Variants in ELP3 observed in about 807,000 individuals in gnomAD.
ELP3 encodes the protein elongator complex protein 3.
ELP3 carries 56 observed loss-of-function variants against 74.9 expected under a neutral mutation model. The observed-to-expected ratio is 0.75, with a 90% CI of 0.60 to 0.93. ELP3 has a LOEUF of 0.93. ELP3 is among the 40% of genes least tolerant of loss of function. ELP3 has a pLI of 0.00. For synonymous variants in ELP3, 222 were observed against 239.8 expected (o/e 0.93, Z 0.68); for missense variants, 573 against 686.5 (o/e 0.83, Z 1.85).
chr8:28,171,962 G>T (rs556918156), intron 14 of ELP3, among the ~76,000 whole-genome samples: 1 of 152,018 alleles, frequency 6.6e-6, no homozygotes, highest in Admixed American at 6.5e-5. Context: ...GAAATCAGTC[G>T]AAAAGAAAAG....
At position 28,113,117 on chromosome 8, in the gene ELP3, A is replaced by G. The variant is rs1297514582; in HGVS notation, c.561A>G (p.Arg187=). 1 of 1,614,022 alleles carries G rather than the reference A, an allele frequency of 6.2e-7. No individual in the cohort carries two copies. ...LPEEYRDYFI[R]NLHDALSGHT... is the part of the protein sequence containing the mutation. ...AAGAATACAGAGATTATTTTATTCG[A>G]AATTTACATGATGCCTTATCAGGAC... is the stretch of plus-strand genomic sequence containing the variant. Residue 187 remains arginine (R), a synonymous_variant, in exon 7 of 15, where the codon CGA becomes CGG. Transcript: ENST00000256398.
chr8:28,101,145 C>T (rs148636376), intron 3 of ELP3, among the ~76,000 whole-genome samples: 21 of 152,070 alleles, frequency 1.4e-4, no homozygotes, highest in Middle Eastern at 3.4e-3. Flanking sequence ...TAGCCAGGCA[C>T]GGTGGCTCAC....
chr8:28,093,999 C>A (rs1478871502), intron 1 of ELP3, among the ~76,000 whole-genome samples: 1 of 152,140 alleles, frequency 6.6e-6, no homozygotes, highest in African/African-American at 2.4e-5. Flanking sequence ...TATCTGTGAC[C>A]TCAAAAAACA....
chr8:28,160,391 G>A lies in ELP3; in HGVS notation c.1420G>A (p.Glu474Lys). The A allele has an allele frequency of 6.2e-7, 1 of 1,614,154 alleles. No homozygotes were observed. The highest frequency in any genetic ancestry group is 8.5e-7 in the Non-Finnish European group (1 of 1,180,032). ...ELGGGVSIVR[E>K]LHVYGSVVPV... ...GGGTGGAGGTGTCTCCATAGTACGA[G>A]AGCTGCATGTGTATGGGAGTGTGGT... The change falls in exon 13 of 15, where the codon GAG becomes AAG. Residue 474 changes from glutamate to lysine, a missense_variant. Physicochemically the swap from Glu to Lys is moderately conservative, Grantham distance 56. Coordinates refer to ENST00000256398, the MANE Select transcript of ELP3 (RefSeq NM_018091.6).
chr8:28,177,099 G>GGCT (rs1814787939), intron 14 of ELP3, among the ~76,000 whole-genome samples: 1 of 152,182 alleles, frequency 6.6e-6, no homozygotes, highest in Non-Finnish European at 1.5e-5. Context: ...AGAACCTTTA[G>GGCT]GCTGCTGGGT....
intron 14 of ELP3, among the ~76,000 whole-genome samples, chr8:28,178,322 A>G (rs1365147959): frequency 6.6e-6 from 1 of 152,226 alleles, no homozygotes; most frequent in Non-Finnish European, 1.5e-5. Context: ...ACTTATGTCA[A>G]TAACCAGCAT....
chr8:28,144,079 G>A (rs917093554), intron 10 of ELP3, among the ~76,000 whole-genome samples: 1 of 152,102 alleles, frequency 6.6e-6, no homozygotes, highest in Non-Finnish European at 1.5e-5. Context: ...TACATCAGTT[G>A]TATGTTTATA....
At chr8:28,139,876 C>A (rs1202923624) in intron 10 of ELP3, among the ~76,000 whole-genome samples, 1 of 152,024 alleles carries the variant, frequency 6.6e-6, no homozygotes, top group Non-Finnish European at 1.5e-5. Context: ...ACCTGGGAGG[C>A]GGAGGTTGCA....
chr8:28,168,258 A>AT (rs1447308968), intron 14 of ELP3, among the ~76,000 whole-genome samples: 1 of 152,156 alleles, frequency 6.6e-6, no homozygotes, highest in Non-Finnish European at 1.5e-5. Flanking sequence ...AGGCAACTGA[A>AT]TTTTTTGTGA....
rs547209618 is a variant in ELP3, at chr8:28,105,483, C to G, written c.259-1230C>G. Among the ~76,000 whole-genome samples the G allele has an allele frequency of 4.6e-5, 7 of 152,312 alleles. No homozygotes were observed. The East Asian group carries it at 1.2e-3, about 25-fold the overall frequency. On this transcript the variant is annotated intron_variant, in intron 3 of 14. Coordinates refer to ENST00000256398, the MANE Select transcript of ELP3 (RefSeq NM_018091.6). ...CCATTTCCCCAAGGAGCCCTGGTTT[C>G]TTTTAGTTGGAGAAGGATATTTAGA...
intron 7 of ELP3, among the ~76,000 whole-genome samples, chr8:28,119,573 TATATATATATATA>T (rs1812276426): frequency 0.053 from 10 of 190 alleles, no homozygotes; most frequent in South Asian, 0.33. Context: ...TGTGGCGTTT[TATATATATATATA>T]TATATATATA....
intron 10 of ELP3, among the ~76,000 whole-genome samples, chr8:28,146,853 A>C (rs1813454037): frequency 6.6e-6 from 1 of 152,162 alleles, no homozygotes; most frequent in Admixed American, 6.5e-5. Flanking sequence ...CATTGAATCC[A>C]TGTTGCATTC....
At chr8:28,092,045 C>A (rs1811067238), upstream of ELP3, among the ~76,000 whole-genome samples, 1 of 152,098 alleles carries the variant, frequency 6.6e-6, no homozygotes. Flanking sequence ...TGTAAATTTG[C>A]ATGGTCAGGG....
At chr8:28,179,851 A>T (rs1814929738) in intron 14 of ELP3, among the ~76,000 whole-genome samples, 5 of 152,002 alleles carry the variant, frequency 3.3e-5, no homozygotes, top group Admixed American at 2.0e-4. Flanking sequence ...GTGGCTGTAA[A>T]TGCTGTGTGG....
At chr8:28,134,505 A>G (rs189233345) in intron 9 of ELP3, among the ~76,000 whole-genome samples, 132 of 152,342 alleles carry the variant, frequency 8.7e-4, no homozygotes, top group Non-Finnish European at 7.1e-4. Context: ...TTCTTTCTAG[A>G]GAAGAATTCT....
chr8:28,090,508 T>C, upstream of ELP3: 1 of 228,000 alleles, frequency 4.4e-6, no homozygotes, highest in Non-Finnish European at 8.8e-6. Flanking sequence ...TGTGTGTGTG[T>C]GTGTGTGTAT....
intron 10 of ELP3, among the ~76,000 whole-genome samples, chr8:28,139,019 C>T (rs901733656): frequency 2.0e-5 from 3 of 152,132 alleles, no homozygotes; most frequent in Non-Finnish European, 2.9e-5. Context: ...GTGTAGGTAT[C>T]CACATGCAGG....
chr8:28,152,247 C>G (rs1302904053), intron 10 of ELP3, among the ~76,000 whole-genome samples: 2 of 152,170 alleles, frequency 1.3e-5, no homozygotes, highest in African/African-American at 2.4e-5. Flanking sequence ...TAGCAACTTA[C>G]AAGCTCCTTA....
chr8:28,162,520 T>A (rs1814141948), intron 14 of ELP3, among the ~76,000 whole-genome samples: 1 of 152,182 alleles, frequency 6.6e-6, no homozygotes, highest in African/African-American at 2.4e-5. Context: ...CTCTTTCAAT[T>A]TTGTTCTCAG....
Sources: gnomAD v4.1 joint callset for allele counts (sites outside exome capture counted in the v4.1 genomes callset) on GRCh38, gnomAD v4.1.1 for gene constraint, MANE v1.5 for transcripts, NCBI Gene and HGNC (gene_info 2026-07-23, HGNC 2026-07-21) for gene names.